The following LYPD1 variants were observed in gnomAD, a reference collection of about 807,000 sequenced individuals.
LYPD1 encodes LY6/PLAUR domain containing 1.
LYPD1 carries 14 observed loss-of-function variants against 14.2 expected under a neutral mutation model. The observed-to-expected ratio is 0.99, with a 90% CI of 0.65 to 1.54. The LOEUF is 1.54. Among genes scored for constraint, LYPD1 ranks in the 40% most tolerant of loss-of-function variants. The pLI is 0.00. For synonymous variants in LYPD1, 85 were observed against 70.6 expected (o/e 1.20, Z -1.02); for missense variants, 165 against 175.7 (o/e 0.94, Z 0.34).
At chr2:132,662,456 C>T (rs185721481) in intron 2 of LYPD1, among the ~76,000 whole-genome samples, 1 of 152,310 alleles carries the variant, frequency 6.6e-6, no homozygotes, top group Admixed American at 6.5e-5. Context: ...AGCCAATACA[C>T]TTTCCATTGG....
At position 132,646,099 on chromosome 2, in the gene LYPD1, C is replaced by T; in HGVS notation, c.372G>A (p.Gly124=). Reference sequence around the variant, plus strand: ...TGAGGAACAGGATGGTGGTGCGGAGCCCTGGCCTGAGGGCCGAGGCAGAAC... The same window carrying T: ...TGAGGAACAGGATGGTGGTGCGGAGTCCTGGCCTGAGGGCCGAGGCAGAAC... ...RGSSASALRP[G]LRTTILFLKL... The change falls in exon 3 of 3, where the codon GGG becomes GGA. Residue 124 remains glycine (G), a synonymous_variant. Coordinates refer to ENST00000397463, the MANE Select transcript of LYPD1 (RefSeq NM_144586.7). The T allele has an allele frequency of 6.2e-7, 1 of 1,607,142 alleles. No individual in the cohort carries two copies. Among genetic ancestry groups the T allele is most frequent in the Non-Finnish European group, 8.5e-7 (1 of 1,176,262 alleles).
At chr2:132,670,417 G>A (rs553894818), upstream of LYPD1, among the ~76,000 whole-genome samples, 11 of 152,254 alleles carry the variant, frequency 7.2e-5, no homozygotes, top group African/African-American at 2.6e-4. This position sits in a 1 kb window ranked among gnomAD's most constrained non-coding sequence, Gnocchi z 4.5. Context: ...GGAGAGAACT[G>A]GTAGTTTTCT....
At position 132,644,911 on chromosome 2, in the gene LYPD1, A is replaced by C. The variant is rs538487466; in HGVS notation, c.*1134T>G. 5.6e-5 allele frequency: 35 copies of C among 626,234 alleles called. No individual in the cohort carries two copies. The South Asian group carries it at 6.9e-4, about 12-fold the overall frequency. The allele number at this position is 626,234 out of a possible 1,614,324, so 38.8% of individuals were successfully genotyped here. ...ACACAGCCAACTCCCCCGGGTTTGA[A>C]ACAGTGTTAAATTCTCTCTTGCTTG... On this transcript the variant is annotated 3_prime_UTR_variant, in exon 3 of 3. Coordinates refer to ENST00000397463, the MANE Select transcript of LYPD1 (RefSeq NM_144586.7).
upstream of LYPD1, chr2:132,670,238 C>T (rs1407616907): frequency 2.9e-6 from 2 of 701,288 alleles, no homozygotes; most frequent in Non-Finnish European, 4.0e-6. The surrounding 1 kb of genome is among the most constrained non-coding windows in gnomAD (Gnocchi z 4.5). Flanking sequence ...CCACAAAAGT[C>T]TCGCCTTTTC....
chr2:132,660,975 A>G (rs1682897788), intron 2 of LYPD1, among the ~76,000 whole-genome samples: 1 of 152,210 alleles, frequency 6.6e-6, no homozygotes, highest in African/African-American at 2.4e-5. Flanking sequence ...TCTCAAGGGA[A>G]GAGAGAGAAA....
chr2:132,656,279 C>T (rs560008058), intron 2 of LYPD1, among the ~76,000 whole-genome samples: 18 of 152,278 alleles, frequency 1.2e-4, no homozygotes, highest in Admixed American at 4.6e-4. Context: ...GCTTTAAAGA[C>T]GAACTTTTCC....
chr2:132,656,368 A>G (rs1682597341), intron 2 of LYPD1, among the ~76,000 whole-genome samples: 1 of 152,234 alleles, frequency 6.6e-6, no homozygotes, highest in Non-Finnish European at 1.5e-5. Flanking sequence ...ACACTACACC[A>G]TAGTTACGAT....
intron 2 of LYPD1, among the ~76,000 whole-genome samples, chr2:132,661,532 G>A (rs1205115941): frequency 3.9e-5 from 6 of 152,116 alleles, no homozygotes; most frequent in African/African-American, 9.7e-5. Flanking sequence ...CCCAGCAAGA[G>A]GAAGGACACA....
upstream of LYPD1, chr2:132,670,219 C>G (rs1252637423): frequency 1.2e-6 from 1 of 868,448 alleles, no homozygotes; most frequent in Non-Finnish European, 1.5e-6. This position sits in a 1 kb window ranked among gnomAD's most constrained non-coding sequence, Gnocchi z 4.5. Flanking sequence ...TACTGGCGAT[C>G]GGGAGCACCC....
chr2:132,645,042 G>A lies in LYPD1; in HGVS notation c.*1003C>T. 1 of 1,537,378 alleles carries A rather than the reference G, an allele frequency of 6.5e-7. No individual in the cohort carries two copies. The highest frequency in any genetic ancestry group is 8.8e-7 in the Non-Finnish European group (1 of 1,135,414). On this transcript the variant is annotated 3_prime_UTR_variant, in exon 3 of 3. Coordinates refer to ENST00000397463, the MANE Select transcript of LYPD1 (RefSeq NM_144586.7). ...TATTTTATGGTTTTATTCATTTACT[G>A]TGTTCTCATGCTGTGTTTTTCTTTT...
rs1383758476 is a variant in LYPD1 at position 132,670,187 on chromosome 2, T to C, written c.-255A>G. On this transcript the variant is annotated 5_prime_UTR_variant, in exon 1 of 3. Transcript: ENST00000397463. The surrounding 1 kb of genome is among the most constrained non-coding windows in gnomAD (Gnocchi z 4.5). ...GGGCCGAGCACCGCGCCTCCGGAGT[T>C]GGCGGCTGAGACTGAAGGAACTACT... 8.0e-7 allele frequency: 1 copy of C among 1,255,726 alleles called. No individual in the cohort carries two copies. Among genetic ancestry groups the C allele is most frequent in the Non-Finnish European group, 1.0e-6 (1 of 981,088 alleles). 77.8% of individuals were successfully genotyped at this position (1,255,726 alleles called of 1,614,324 possible).
chr2:132,663,746 G>C (rs1337103504), intron 2 of LYPD1, among the ~76,000 whole-genome samples: 1 of 152,176 alleles, frequency 6.6e-6, no homozygotes, highest in African/African-American at 2.4e-5. Context: ...GTCTAAAAGA[G>C]AGCTAACAGG....
Position 132,646,431 on chromosome 2 carries a change from T to C in LYPD1, c.191-151A>G, listed in dbSNP as rs148811614. The C allele has an allele frequency of 3.7e-5, 16 of 430,074 alleles. No individual in the cohort carries two copies. In the South Asian group the frequency reaches 5.5e-4, roughly 15 times the overall value. 26.6% of individuals were successfully genotyped at this position (430,074 alleles called of 1,614,324 possible). ...CAGGGAAGTGCTTCGGATTGTCTCA[T>C]TGATATTCAAGATAGATGGTGAAAG... On this transcript the variant is annotated intron_variant, in intron 2 of 2. Coordinates refer to ENST00000397463, the MANE Select transcript of LYPD1 (RefSeq NM_144586.7).
chr2:132,664,045 CTGTG>C (rs112365623), intron 2 of LYPD1, among the ~76,000 whole-genome samples: 1 of 151,558 alleles, frequency 6.6e-6, no homozygotes, highest in East Asian at 1.9e-4. Context: ...AAATATATGA[CTGTG>C]TGTGTGTGTG....
intron 2 of LYPD1, among the ~76,000 whole-genome samples, chr2:132,665,489 A>G (rs1259287651): frequency 6.6e-6 from 1 of 152,156 alleles, no homozygotes; most frequent in Non-Finnish European, 1.5e-5. Context: ...AACTTGGTGG[A>G]TATGAAAAAT....
Position 132,668,404 on chromosome 2 carries a change from A to T in LYPD1, c.186T>A (p.Ser62Arg). The T allele has an allele frequency of 6.2e-7, 1 of 1,604,232 alleles. No homozygotes were observed. The highest frequency in any genetic ancestry group is 8.5e-7 in the Non-Finnish European group (1 of 1,175,262). Residue 62 changes from serine (S) to arginine (R), a missense_variant, in exon 2 of 3, where the codon AGT becomes AGA. Transcript: ENST00000397463. The stretch of plus-strand genomic sequence containing the variant: ...GGAGGGCTGCCAGGCTCTTACCGGC[A>T]CTTTGCTCCATCACTTCTTTCTGAC... ...DMCQKEVMEQ[S>R]AGIMYRKSCA...
intron 2 of LYPD1, among the ~76,000 whole-genome samples, chr2:132,648,843 G>A (rs1363399664): frequency 6.6e-6 from 1 of 152,114 alleles, no homozygotes; most frequent in African/African-American, 2.4e-5. Flanking sequence ...GATGGGGAAA[G>A]GTGTCTGATG....
At chr2:132,661,766 TAA>T (rs991186688) in intron 2 of LYPD1, among the ~76,000 whole-genome samples, 1 of 152,114 alleles carries the variant, frequency 6.6e-6, no homozygotes, top group East Asian at 1.9e-4. Context: ...GCTAATAAAA[TAA>T]AGTTTCTTTT....
rs1682020402 is a variant in LYPD1 at position 132,645,559 on chromosome 2, C to G, written c.*486G>C. On this transcript the variant is annotated 3_prime_UTR_variant, in exon 3 of 3. Coordinates refer to ENST00000397463, the MANE Select transcript of LYPD1 (RefSeq NM_144586.7). Reference sequence around the variant, plus strand: ...ACTAGAGCCCAACTCAGGCGCGAAACCAGCCAATTCTGCTGCAGAGAATGG... The same window carrying G: ...ACTAGAGCCCAACTCAGGCGCGAAAGCAGCCAATTCTGCTGCAGAGAATGG... The G allele has an allele frequency of 1.2e-6, 2 of 1,613,980 alleles. No homozygotes were observed. The highest frequency in any genetic ancestry group is 1.1e-5 in the South Asian group (1 of 91,068).
Sources: allele counts gnomAD v4.1 joint callset (sites outside exome capture counted in the v4.1 genomes callset), GRCh38; gene constraint gnomAD v4.1.1; non-coding constraint Gnocchi (gnomAD v3.1); transcripts MANE v1.5; gene names NCBI Gene and HGNC (gene_info 2026-07-23, HGNC 2026-07-21).